The following TTC1 variants were observed in gnomAD, a reference collection of about 807,000 sequenced individuals.
TTC1 encodes the protein tetratricopeptide repeat protein 1.
TTC1 carries 31 observed loss-of-function variants against 37.6 expected under a neutral mutation model. The observed-to-expected ratio is 0.82, with a 90% CI of 0.62 to 1.11. TTC1 has a LOEUF of 1.11. Among genes scored for constraint, TTC1 ranks in the 50% most tolerant of loss-of-function variants. The probability of loss-of-function intolerance (pLI) is 0.00; values close to 1 mark genes in which losing one functional copy is unlikely to be tolerated. For missense variants in TTC1, 351 were observed against 339.0 expected (o/e 1.04, Z -0.28); for synonymous variants, 127 against 122.4 (o/e 1.04, Z -0.25).
chr5:160,052,569 A>C (rs1581119699), intron 7 of TTC1, among the ~76,000 whole-genome samples: 1 of 149,440 alleles, frequency 6.7e-6, no homozygotes, highest in Admixed American at 6.7e-5. Flanking sequence ...AAAAAAAAAA[A>C]AAAAACTGTT....
chr5:160,031,115 C>CTT (rs1756900686), intron 2 of TTC1, among the ~76,000 whole-genome samples: 1 of 152,188 alleles, frequency 6.6e-6, no homozygotes, highest in Non-Finnish European at 1.5e-5. Context: ...ATCATCAATT[C>CTT]AGTCTCGGCA....
intron 4 of TTC1, among the ~76,000 whole-genome samples, chr5:160,038,655 G>A (rs1053267633): frequency 1.0e-4 from 14 of 137,730 alleles, no homozygotes; most frequent in African/African-American, 2.1e-4. Context: ...TTTAAGTTGC[G>A]TTTCTTTTTT....
At chr5:160,016,960 G>C (rs1378987672) in intron 2 of TTC1, among the ~76,000 whole-genome samples, 5 of 152,226 alleles carry the variant, frequency 3.3e-5, no homozygotes, top group Non-Finnish European at 7.3e-5. Context: ...GAGGAAAGCA[G>C]TTAAGATTTG....
intron 2 of TTC1, among the ~76,000 whole-genome samples, chr5:160,032,491 C>G (rs2113365336): frequency 6.6e-6 from 1 of 152,222 alleles, no homozygotes; most frequent in South Asian, 2.1e-4. Flanking sequence ...CCCCATGTCT[C>G]TCACTTCATC....
intron 7 of TTC1, among the ~76,000 whole-genome samples, chr5:160,054,697 G>A (rs900154267): frequency 6.6e-6 from 1 of 151,864 alleles, no homozygotes. Flanking sequence ...TCAAATGTAC[G>A]GTATAGCATT....
Position 160,050,383 on chromosome 5 carries a change from G to T in TTC1, c.690+721G>T, listed in dbSNP as rs573251745. On this transcript the variant is annotated intron_variant, in intron 6 of 7. Transcript: ENST00000231238. ...AATCGCTTGAACCCAGGAGGTGGAG[G>T]TTGCAGTGAGCTGAGATTGCGCCAC... Among the ~76,000 whole-genome samples the T allele has an allele frequency of 1.0e-3, 154 of 152,270 alleles. 1 individual carries two copies. Among genetic ancestry groups the T allele is most frequent in the Non-Finnish European group, 1.6e-3 (108 of 68,022 alleles).
intron 7 of TTC1, among the ~76,000 whole-genome samples, chr5:160,061,392 G>T (rs933731602): frequency 1.3e-5 from 2 of 152,130 alleles, no homozygotes; most frequent in Non-Finnish European, 2.9e-5. Context: ...TATGAATTTG[G>T]TTTTGTGTGT....
intron 2 of TTC1, among the ~76,000 whole-genome samples, chr5:160,023,290 C>CT: frequency 6.9e-6 from 1 of 144,070 alleles, no homozygotes; most frequent in Non-Finnish European, 1.5e-5. Context: ...AATTGGTTTT[C>CT]TTTCTTTTTT....
In TTC1 at chr5:160,065,015, A is replaced by G. The variant is rs377412563; in HGVS notation, c.829A>G (p.Thr277Ala). ...TTTCCAGATCAAACAGGATTCCTCT[A>G]CCGGCTCGTACTCCATCAATTTCGT... ...ENFQIKQDSS[T>A]GSYSINFVQN... The change falls in exon 8 of 8, where the codon ACC (threonine) becomes GCC (alanine). Residue 277 changes from threonine to alanine, a missense_variant. Transcript: ENST00000231238. 95 of 1,613,770 alleles carry G rather than the reference A, an allele frequency of 5.9e-5. No homozygotes were observed. The highest frequency in any genetic ancestry group is 7.5e-5 in the Non-Finnish European group (88 of 1,179,986).
intron 4 of TTC1, among the ~76,000 whole-genome samples, chr5:160,038,085 G>A (rs909684703): frequency 2.0e-5 from 3 of 151,188 alleles, no homozygotes; most frequent in East Asian, 1.9e-4. Flanking sequence ...GAAAGGTTAC[G>A]GTTTTTTTTT....
At chr5:160,033,568 A>G (rs1251146985) in intron 2 of TTC1, among the ~76,000 whole-genome samples, 1 of 152,256 alleles carries the variant, frequency 6.6e-6, no homozygotes, top group Non-Finnish European at 1.5e-5. Flanking sequence ...TGATTTATAA[A>G]CAAAAGAGGT....
chr5:160,013,431 A>C (rs934642003), intron 2 of TTC1, among the ~76,000 whole-genome samples: 1 of 151,868 alleles, frequency 6.6e-6, no homozygotes, highest in African/African-American at 2.4e-5. Context: ...ATGTGAAAAG[A>C]CTCAGCCTCA....
intron 7 of TTC1, among the ~76,000 whole-genome samples, chr5:160,060,059 C>T (rs1462808789): frequency 1.3e-5 from 2 of 152,158 alleles, no homozygotes; most frequent in African/African-American, 2.4e-5. Flanking sequence ...TCTTGATTTG[C>T]CTTTTGCTCG....
At chr5:160,045,498 A>T (rs1274156856) in intron 5 of TTC1, among the ~76,000 whole-genome samples, 2,606 of 105,990 alleles carry the variant, frequency 0.025, 263 homozygotes, top group Admixed American at 0.066. Flanking sequence ...ACACACACAC[A>T]CACACACACA....
At position 160,065,220 on chromosome 5, in the gene TTC1, G is replaced by C. The variant is rs1308186029; in HGVS notation, c.*155G>C. 6.7e-6 allele frequency: 7 copies of C among 1,047,700 alleles called. No individual in the cohort carries two copies. In the East Asian group the frequency reaches 1.5e-4, roughly 23 times the overall value. 64.9% of individuals were successfully genotyped at this position (1,047,700 alleles called of 1,614,324 possible). On this transcript the variant is annotated 3_prime_UTR_variant, in exon 8 of 8. Transcript: ENST00000231238. ...CAGTGCTCCCTTGTCCCTCTTTTAT[G>C]ATCAGGGTGAAATGTACTTCCTGAT...
Position 160,036,675 on chromosome 5 carries a change from T to C in TTC1, c.392-16T>C. On this transcript the variant is annotated splice_polypyrimidine_tract_variant and intron_variant, in intron 3 of 7. Transcript: ENST00000231238. ...ATAAAATCAAAATGACCATTCATCCTTTCTCTTATCCTCAGATTATATAGA... is the reference window on the plus strand; with the variant it reads ...ATAAAATCAAAATGACCATTCATCCCTTCTCTTATCCTCAGATTATATAGA... 1 of 1,555,536 alleles carries C rather than the reference T, an allele frequency of 6.4e-7. No individual in the cohort carries two copies. Among genetic ancestry groups the C allele is most frequent in the Non-Finnish European group, 8.9e-7 (1 of 1,126,892 alleles).
At chr5:160,022,586 AGTATAG>A (rs1004306353) in intron 2 of TTC1, among the ~76,000 whole-genome samples, 36 of 152,318 alleles carry the variant, frequency 2.4e-4, no homozygotes, top group African/African-American at 7.9e-4. Flanking sequence ...CATCTAATAT[AGTATAG>A]GTAATTAAGC....
At chr5:160,012,562 T>C (rs1030791606) in intron 2 of TTC1, among the ~76,000 whole-genome samples, 6 of 151,958 alleles carry the variant, frequency 3.9e-5, no homozygotes, top group African/African-American at 1.5e-4. Flanking sequence ...AGAGACAGTG[T>C]CTCACCATGT....
intron 1 of TTC1, among the ~76,000 whole-genome samples, chr5:160,009,539 C>T (rs10044313): frequency 0.026 from 3,904 of 152,244 alleles, 79 homozygotes; most frequent in Middle Eastern, 0.082. Context: ...TGCTCTGACT[C>T]AGCTTCTACA....
Sources: allele counts gnomAD v4.1 joint callset (sites outside exome capture counted in the v4.1 genomes callset), GRCh38; gene constraint gnomAD v4.1.1; transcripts MANE v1.5; gene names NCBI Gene and HGNC (gene_info 2026-07-23, HGNC 2026-07-21).